ARHGAP15: variants seen among roughly 807,000 people sequenced by gnomAD.
The protein encoded by ARHGAP15 is rho GTPase-activating protein 15.
ARHGAP15 carries 51 observed loss-of-function variants against 63.7 expected under a neutral mutation model. The ratio of observed to expected loss-of-function variants is 0.80; its 90% CI spans 0.64 to 1.01. The LOEUF is 1.01. Among genes scored for constraint, ARHGAP15 ranks in the 50% least tolerant of loss-of-function variants. The pLI, the probability that ARHGAP15 is intolerant of heterozygous loss-of-function variation, is 0.00. For synonymous variants in ARHGAP15, 191 were observed against 193.8 expected (o/e 0.99, Z 0.12); for missense variants, 560 against 564.6 (o/e 0.99, Z 0.08).
At chr2:143,404,449 TTGTA>T (rs1169977899) in intron 6 of ARHGAP15, among the ~76,000 whole-genome samples, 6 of 151,938 alleles carry the variant, frequency 3.9e-5, no homozygotes, top group African/African-American at 7.2e-5. Flanking sequence ...CCTGAAAATG[TTGTA>T]TGTATCATTT....
chr2:143,625,221 A>AG (rs1698790649), intron 12 of ARHGAP15, among the ~76,000 whole-genome samples: 2 of 152,124 alleles, frequency 1.3e-5, no homozygotes. Flanking sequence ...GAAAAAAAAA[A>AG]CTGCTGTATT....
intron 6 of ARHGAP15, among the ~76,000 whole-genome samples, chr2:143,403,658 A>G (rs1184101673): frequency 6.6e-6 from 1 of 151,932 alleles, no homozygotes; most frequent in Non-Finnish European, 1.5e-5. Flanking sequence ...TATGCGTGAG[A>G]TATGAAAACA....
intron 6 of ARHGAP15, among the ~76,000 whole-genome samples, chr2:143,316,579 A>C (rs1683728688): frequency 6.9e-6 from 1 of 145,828 alleles, no homozygotes; most frequent in Admixed American, 7.0e-5. Context: ...CATATATTAA[A>C]ATATATATGT....
intron 8 of ARHGAP15, among the ~76,000 whole-genome samples, chr2:143,486,425 C>A (rs1363659080): frequency 7.9e-5 from 10 of 126,228 alleles, no homozygotes; most frequent in African/African-American, 9.0e-5. Context: ...AAAAAAAAAA[C>A]TTTAGTCAGG....
Position 143,510,924 on chromosome 2 carries a change from A to G in ARHGAP15, c.827-8342A>G, listed in dbSNP as rs572436859. 3.3e-5 allele frequency among the ~76,000 whole-genome samples: 5 copies of G among 152,360 alleles called. No individual in the cohort carries two copies. The East Asian group carries it at 9.6e-4, about 29-fold the overall frequency. On this transcript the variant is annotated intron_variant, in intron 9 of 13. Coordinates refer to ENST00000295095, the MANE Select transcript of ARHGAP15 (RefSeq NM_018460.4). ...AAAGCCTGTGGAGACTGTCTCCTGC[A>G]TAAATGATGATAAAACCGTCACATT...
intron 1 of ARHGAP15, among the ~76,000 whole-genome samples, chr2:143,132,514 C>G (rs114600082): frequency 4.7e-4 from 71 of 152,336 alleles, no homozygotes; most frequent in African/African-American, 1.6e-3. Context: ...CCAGTCACCA[C>G]AGCAAAGTGT....
At chr2:143,248,940 G>A (rs35048078) in intron 5 of ARHGAP15, among the ~76,000 whole-genome samples, 25,684 of 151,976 alleles carry the variant, frequency 0.17, 2,308 homozygotes, top group Middle Eastern at 0.25. Context: ...ATTTTGTTAC[G>A]TACTCTTAAT....
chr2:143,539,929 T>TA (rs1694967073), intron 10 of ARHGAP15, among the ~76,000 whole-genome samples: 1 of 151,948 alleles, frequency 6.6e-6, no homozygotes, highest in Non-Finnish European at 1.5e-5. Context: ...AATTCCTGGA[T>TA]ATCCTTGTTT....
chr2:143,634,706 G>A (rs1680217121), intron 12 of ARHGAP15, among the ~76,000 whole-genome samples: 1 of 152,104 alleles, frequency 6.6e-6, no homozygotes, highest in Admixed American at 6.6e-5. Flanking sequence ...ATTTCACACA[G>A]CACCAAACAT....
chr2:143,149,427 C>T (rs952411813), intron 1 of ARHGAP15, among the ~76,000 whole-genome samples: 1 of 151,948 alleles, frequency 6.6e-6, no homozygotes, highest in East Asian at 1.9e-4. Context: ...CCAGAAGCAT[C>T]CTTCTTTTAG....
chr2:143,511,503 C>T (rs919178044), intron 9 of ARHGAP15, among the ~76,000 whole-genome samples: 1 of 152,058 alleles, frequency 6.6e-6, no homozygotes, highest in Non-Finnish European at 1.5e-5. Context: ...GAAAGGATTA[C>T]CAGTAAGCAC....
chr2:143,351,938 C>G (rs1372395244), intron 6 of ARHGAP15, among the ~76,000 whole-genome samples: 1 of 152,112 alleles, frequency 6.6e-6, no homozygotes, highest in Non-Finnish European at 1.5e-5. Flanking sequence ...GATCAGTTCA[C>G]TATTTATAGA....
chr2:143,702,553 A>G (rs942746017), intron 12 of ARHGAP15, among the ~76,000 whole-genome samples: 13 of 152,196 alleles, frequency 8.5e-5, no homozygotes, highest in Non-Finnish European at 1.8e-4. Context: ...AAATCACACT[A>G]TATGTCCTTG....
At chr2:143,207,019 AAT>A (rs1030485215) in intron 3 of ARHGAP15, among the ~76,000 whole-genome samples, 1 of 151,418 alleles carries the variant, frequency 6.6e-6, no homozygotes, top group African/African-American at 2.4e-5. Context: ...AAAAAATTAT[AAT>A]ATATATAAAA....
chr2:143,434,991 C>G (rs1208485034), intron 6 of ARHGAP15, among the ~76,000 whole-genome samples: 1 of 152,032 alleles, frequency 6.6e-6, no homozygotes, highest in Non-Finnish European at 1.5e-5. Context: ...CAGAGAGGTT[C>G]AAATATGTAA....
At chr2:143,339,047 T>C (rs1282937533) in intron 6 of ARHGAP15, among the ~76,000 whole-genome samples, 1 of 152,132 alleles carries the variant, frequency 6.6e-6, no homozygotes, top group Non-Finnish European at 1.5e-5. Flanking sequence ...CTATCCATTT[T>C]TTTTCATAAA....
At chr2:143,257,112 G>T (rs772728886) in intron 6 of ARHGAP15, among the ~76,000 whole-genome samples, 2 of 152,006 alleles carry the variant, frequency 1.3e-5, no homozygotes, top group Non-Finnish European at 2.9e-5. Flanking sequence ...AAAACAACAC[G>T]AACTTTATGT....
At chr2:143,545,044 G>T (rs10084164) in intron 10 of ARHGAP15, among the ~76,000 whole-genome samples, 47,721 of 152,118 alleles carry the variant, frequency 0.31, 8,038 homozygotes, top group East Asian at 0.42. Context: ...GTTTCGAAAG[G>T]CAGCAATAAG....
At chr2:143,329,343 T>C (rs544516584) in intron 6 of ARHGAP15, among the ~76,000 whole-genome samples, 4 of 152,264 alleles carry the variant, frequency 2.6e-5, no homozygotes, top group African/African-American at 9.6e-5. Flanking sequence ...TGAAAGCGAG[T>C]CTAGATGTGA....
Sources: gnomAD v4.1 joint callset for allele counts (sites outside exome capture counted in the v4.1 genomes callset) on GRCh38, gnomAD v4.1.1 for gene constraint, MANE v1.5 for transcripts, NCBI Gene and HGNC (gene_info 2026-07-23, HGNC 2026-07-21) for gene names.